The following VWC2L variants were observed in gnomAD, a reference collection of about 807,000 sequenced individuals.
The protein encoded by VWC2L is von Willebrand factor C domain-containing protein 2-like.
VWC2L carries 10 observed loss-of-function variants against 21.6 expected under a neutral mutation model. The ratio of observed to expected loss-of-function variants is 0.46; its 90% CI spans 0.29 to 0.78. The LOEUF is 0.78. VWC2L is among the 30% of genes least tolerant of loss of function. The pLI, the probability that VWC2L is intolerant of heterozygous loss-of-function variation, is 0.10. For missense variants in VWC2L, 209 were observed against 277.1 expected (o/e 0.75, Z 1.74); for synonymous variants, 96 against 94.3 (o/e 1.02, Z -0.10).
At chr2:214,450,260 T>C (rs905660121) in intron 3 of VWC2L, among the ~76,000 whole-genome samples, 1 of 152,182 alleles carries the variant, frequency 6.6e-6, no homozygotes, top group African/African-American at 2.4e-5. Flanking sequence ...CATTGAATTC[T>C]TGTACTTACA....
At chr2:214,484,995 G>A (rs1036467468) in intron 3 of VWC2L, among the ~76,000 whole-genome samples, 4 of 152,192 alleles carry the variant, frequency 2.6e-5, no homozygotes, top group East Asian at 1.9e-4. Flanking sequence ...AAACTGAGAC[G>A]TGAAGAATAA....
intron 2 of VWC2L, among the ~76,000 whole-genome samples, chr2:214,420,827 A>C (rs1186332545): frequency 6.6e-6 from 1 of 152,218 alleles, no homozygotes; most frequent in Non-Finnish European, 1.5e-5. Flanking sequence ...TGGCTCTGCA[A>C]AATGCAGTTT....
intron 3 of VWC2L, among the ~76,000 whole-genome samples, chr2:214,519,548 C>A (rs1689198686): frequency 6.6e-6 from 1 of 152,156 alleles, no homozygotes; most frequent in Admixed American, 6.5e-5. Flanking sequence ...GCAAAGGAAT[C>A]TGAAAGAATT....
chr2:214,418,530 A>G (rs1702388900), intron 2 of VWC2L, among the ~76,000 whole-genome samples: 1 of 152,316 alleles, frequency 6.6e-6, no homozygotes, highest in African/African-American at 2.4e-5. Context: ...AATATGAAAT[A>G]ATATCATATG....
intron 2 of VWC2L, among the ~76,000 whole-genome samples, chr2:214,429,028 A>G (rs2126175400): frequency 6.6e-6 from 1 of 152,256 alleles, no homozygotes; most frequent in East Asian, 1.9e-4. Context: ...AGAATAGGCC[A>G]GGTCATATTC....
At chr2:214,564,403 G>C (rs1230621763) in intron 3 of VWC2L, among the ~76,000 whole-genome samples, 1 of 152,078 alleles carries the variant, frequency 6.6e-6, no homozygotes, top group South Asian at 2.1e-4. Flanking sequence ...GCATCACACT[G>C]CTGGACTTCA....
In VWC2L at chr2:214,470,916, C is replaced by CAAAAAAAAAAAAAAAA. The variant is rs56041924; in HGVS notation, c.520+34170_520+34185dup. Among the ~76,000 whole-genome samples, 21 of 50,798 alleles carry CAAAAAAAAAAAAAAAA rather than the reference C, an allele frequency of 4.1e-4. 2 individuals are homozygous for CAAAAAAAAAAAAAAAA. Among genetic ancestry groups the CAAAAAAAAAAAAAAAA allele is most frequent in the African/African-American group, 2.0e-3 (20 of 9,970 alleles). The allele number at this position is 50,798 out of a possible 152,430, so 33.3% of individuals were successfully genotyped here. A position where few individuals can be genotyped will look rare whatever the true frequency, so the allele number is the denominator to read the frequency against. On this transcript the variant is annotated intron_variant, in intron 3 of 3. Coordinates refer to ENST00000312504, the MANE Select transcript of VWC2L (RefSeq NM_001080500.4). ...TGGGCAACAGAGTGAAACTCCATCT[C>CAAAAAAAAAAAAAAAA]AAAAAAAAAAAAAAAAAAAAAAAAA...
chr2:214,566,831 A>T (rs1218693102), intron 3 of VWC2L, among the ~76,000 whole-genome samples: 1 of 152,204 alleles, frequency 6.6e-6, no homozygotes, highest in Non-Finnish European at 1.5e-5. Flanking sequence ...TAATATTTTA[A>T]TAGATGAAAA....
intron 3 of VWC2L, among the ~76,000 whole-genome samples, chr2:214,456,954 CA>C (rs1574574768): frequency 6.6e-6 from 1 of 152,176 alleles, no homozygotes. Flanking sequence ...ATATCAACAG[CA>C]TGATGTTTTG....
At chr2:214,480,389 G>A (rs1448295863) in intron 3 of VWC2L, among the ~76,000 whole-genome samples, 1 of 152,180 alleles carries the variant, frequency 6.6e-6, no homozygotes, top group African/African-American at 2.4e-5. Flanking sequence ...ATTGGAAGAT[G>A]AATGGACAAT....
intron 3 of VWC2L, among the ~76,000 whole-genome samples, chr2:214,460,683 ATTTGT>A (rs1213982971): frequency 2.0e-5 from 3 of 151,492 alleles, no homozygotes; most frequent in African/African-American, 4.9e-5. Flanking sequence ...TGCTTTTCTG[ATTTGT>A]TTTGTTTATC....
chr2:214,534,754 T>C (rs749456097), intron 3 of VWC2L, among the ~76,000 whole-genome samples: 2 of 152,270 alleles, frequency 1.3e-5, no homozygotes, highest in South Asian at 4.1e-4. Context: ...GAAGGTTACA[T>C]GGCATTATCT....
At chr2:214,426,280 C>A (rs935831226) in intron 2 of VWC2L, among the ~76,000 whole-genome samples, 21 of 150,432 alleles carry the variant, frequency 1.4e-4, no homozygotes, top group African/African-American at 5.1e-4. Context: ...AAAATTGGAA[C>A]GTTTGCAAAC....
chr2:214,489,537 A>G (rs1456356495), intron 3 of VWC2L, among the ~76,000 whole-genome samples: 2 of 152,214 alleles, frequency 1.3e-5, no homozygotes, highest in Non-Finnish European at 2.9e-5. Context: ...ATGGTAACCA[A>G]TGGAAATCAT....
intron 3 of VWC2L, among the ~76,000 whole-genome samples, chr2:214,527,275 C>T (rs1380000276): frequency 4.6e-5 from 7 of 151,906 alleles, no homozygotes; most frequent in African/African-American, 1.7e-4. Context: ...GGGCAAGAGT[C>T]AAAACACTAT....
intron 3 of VWC2L, among the ~76,000 whole-genome samples, chr2:214,539,978 G>A (rs1209523565): frequency 6.6e-6 from 1 of 152,048 alleles, no homozygotes; most frequent in African/African-American, 2.4e-5. Context: ...AGACAAATTA[G>A]CTAAAGGAAC....
chr2:214,515,665 T>C (rs968044103), intron 3 of VWC2L, among the ~76,000 whole-genome samples: 1 of 152,198 alleles, frequency 6.6e-6, no homozygotes, highest in Non-Finnish European at 1.5e-5. Context: ...GCGATTCTCC[T>C]GCCTCAGCCT....
chr2:214,482,552 C>CAT (rs56972597), intron 3 of VWC2L, among the ~76,000 whole-genome samples: 152 of 144,650 alleles, frequency 1.1e-3, no homozygotes, highest in Middle Eastern at 3.6e-3. Context: ...CACACACACA[C>CAT]ATATATATAT....
chr2:214,510,870 G>T (rs1408099037), intron 3 of VWC2L, among the ~76,000 whole-genome samples: 2 of 152,156 alleles, frequency 1.3e-5, no homozygotes, highest in South Asian at 4.1e-4. Flanking sequence ...CCCAGAACCT[G>T]TCATTATGTT....
Sources: allele counts gnomAD v4.1 joint callset (sites outside exome capture counted in the v4.1 genomes callset), GRCh38; gene constraint gnomAD v4.1.1; transcripts MANE v1.5; gene names NCBI Gene and HGNC (gene_info 2026-07-23, HGNC 2026-07-21).